The following SSX7 variants were observed in gnomAD, a reference collection of about 807,000 sequenced individuals.
SSX7 encodes the protein SSX family member 7.
Under a neutral mutation model 14.7 loss-of-function variants are expected in SSX7, and 15 were observed. That is an observed-to-expected ratio of 1.02 (90% CI 0.68 to 1.58). The LOEUF (loss-of-function observed/expected upper bound fraction) is 1.58. SSX7 is among the 40% of genes most tolerant of loss of function. SSX7 has a pLI of 0.00. For synonymous variants in SSX7, 46 were observed against 50.6 expected, an observed-to-expected ratio of 0.91 and a Z score of 0.38; for missense variants, 178 against 146.8, an observed-to-expected ratio of 1.21 and a Z score of -1.10.
At chrX:52,650,688 G>T (rs1375037637) in intron 4 of SSX7, among the ~76,000 whole-genome samples, 2 of 111,790 alleles carry the variant, frequency 1.8e-5, no homozygotes, top group African/African-American at 6.5e-5. Context: ...TAATTAAATT[G>T]ATTGGTTAGG....
chrX:52,645,260 G>A (rs782210473), intron 7 of SSX7, among the ~76,000 whole-genome samples, 179 bp downstream of exon 7: 2 of 99,771 alleles, frequency 2.0e-5, no homozygotes, highest in African/African-American at 7.5e-5. Context: ...CACAAAGGGC[G>A]AATCCGTCAA....
At chrX:52,650,553 T>A in intron 4 of SSX7, 151 bp from the exon 5 acceptor site, 2 of 658,464 alleles carry the variant, frequency 3.0e-6, no homozygotes, top group Non-Finnish European at 4.6e-6. Flanking sequence ...TTATGTTTAG[T>A]CATGGTTGAT....
At chrX:52,651,877 A>G (rs1208531540) in intron 4 of SSX7, among the ~76,000 whole-genome samples, 1 of 110,489 alleles carries the variant, frequency 9.1e-6, no homozygotes, top group Non-Finnish European at 1.9e-5. Flanking sequence ...CTCCATCTCA[A>G]AAACAAAAAC....
At chrX:52,651,329 T>C (rs1237850758) in intron 4 of SSX7, among the ~76,000 whole-genome samples, 6 of 112,398 alleles carry the variant, frequency 5.3e-5, no homozygotes, top group Admixed American at 9.4e-5. Flanking sequence ...CTACATGCTG[T>C]TAATGAGACA....
chrX:52,645,024 C>T (rs1925191679), intron 7 of SSX7, among the ~76,000 whole-genome samples: 1 of 111,224 alleles, frequency 9.0e-6, no homozygotes, highest in Admixed American at 9.6e-5. Context: ...AATCCCAGAA[C>T]TTTGGGAGGC....
At chrX:52,650,277 T>G in intron 5 of SSX7, 76 bp downstream of exon 5, 1 of 1,140,578 alleles carries the variant, frequency 8.8e-7, no homozygotes. Context: ...TTTTTTATAT[T>G]CTCCCACTCT....
At chrX:52,649,036 T>TG (rs1358665704) in intron 5 of SSX7, among the ~76,000 whole-genome samples, 23 of 111,064 alleles carry the variant, frequency 2.1e-4, no homozygotes, top group Non-Finnish European at 4.3e-4. Flanking sequence ...TACTTTTTTT[T>TG]TTGTTGTTTT....
At chrX:52,645,994 A>T (rs1427400631) in intron 6 of SSX7, among the ~76,000 whole-genome samples, 3 of 111,391 alleles carry the variant, frequency 2.7e-5, no homozygotes, top group Non-Finnish European at 3.8e-5. Flanking sequence ...CTTTGATATT[A>T]TTACTGAAAT....
intron 5 of SSX7, among the ~76,000 whole-genome samples, chrX:52,649,281 A>G (rs1925351090): frequency 7.2e-5 from 8 of 111,483 alleles, no homozygotes; most frequent in Non-Finnish European, 3.8e-5. Context: ...CATCCACCTC[A>G]GCCTCCCAAA....
intron 4 of SSX7, among the ~76,000 whole-genome samples, chrX:52,651,551 G>A (rs6568280): frequency 0.094 from 10,471 of 111,102 alleles, 1,184 homozygotes; most frequent in African/African-American, 0.32. Context: ...AGCTATGCTA[G>A]GTTTGATTTA....
Position 52,644,659 on chromosome X carries a change from G to A in SSX7, c.*16C>T, listed in dbSNP as rs1382315076. 8.4e-6 allele frequency: 10 copies of A among 1,195,922 alleles called. No homozygotes were observed. The East Asian group carries it at 2.1e-4, about 25-fold the overall frequency. ...CTGCTTCTCATCATGGGCATATGTCGTATCCCCGAGGCTGAGGCAAGAAGA... is the reference window on the plus strand; with the variant it reads ...CTGCTTCTCATCATGGGCATATGTCATATCCCCGAGGCTGAGGCAAGAAGA... On this transcript the variant is annotated 3_prime_UTR_variant, in exon 8 of 8. Transcript: ENST00000298181.
intron 2 of SSX7, 68 bp from the exon 3 acceptor site, chrX:52,653,052 C>A: frequency 8.5e-7 from 1 of 1,183,358 alleles, no homozygotes; most frequent in Non-Finnish European, 1.1e-6. Flanking sequence ...CAGCTGGAGC[C>A]CCTTCCTGTG....
intron 4 of SSX7, among the ~76,000 whole-genome samples, 189 bp downstream of exon 4, chrX:52,652,063 T>C (rs1925449967): frequency 9.0e-6 from 1 of 110,590 alleles, no homozygotes; most frequent in South Asian, 3.9e-4. Context: ...ATATATATTC[T>C]TGTTTTTCGT....
Position 52,652,484 on chromosome X carries a change from C to T in SSX7, c.185-137G>A, listed in dbSNP as rs190671483. On this transcript the variant is annotated intron_variant, in intron 3 of 7. Transcript: ENST00000298181. ...GCCAGGAGTTCAAGGCTGCAGTGAGCTATGACTGCACTACTGCAAACTAGC... is the reference window on the plus strand; with the variant it reads ...GCCAGGAGTTCAAGGCTGCAGTGAGTTATGACTGCACTACTGCAAACTAGC... The T allele has an allele frequency of 7.9e-4, 391 of 495,231 alleles. 1 individual carries two copies. In the East Asian group the frequency reaches 0.013, roughly 17 times the overall value. 40.8% of individuals were successfully genotyped at this position (495,231 alleles called of 1,213,427 possible).
rs376680904 is a variant in SSX7, at chrX:52,645,443, T to C, written c.567A>G (p.Ter189=). The C allele has an allele frequency of 2.8e-4, 331 of 1,185,167 alleles. No homozygotes were observed. Among genetic ancestry groups the C allele is most frequent in the Non-Finnish European group, 2.7e-5 (24 of 879,364 alleles). Residue 189 remains the stop codon, a stop_retained_variant, in exon 7 of 8, where the codon TAA becomes TAG. Coordinates refer to ENST00000298181, the MANE Select transcript of SSX7 (RefSeq NM_173358.2). ...ATGAGCCGAAGGTTCACTTACGGAG[T>C]TACTCGTCGTCTTCTTCAGGGTCGC... The part of the protein sequence containing the change: ...EISDPEEDDE[*]
chrX:52,649,395 C>T (rs1376527372), intron 5 of SSX7, among the ~76,000 whole-genome samples: 2 of 111,819 alleles, frequency 1.8e-5, no homozygotes, highest in Non-Finnish European at 3.8e-5. Flanking sequence ...AAATAGTCTA[C>T]GGGAAAGTCC....
intron 6 of SSX7, among the ~76,000 whole-genome samples, chrX:52,647,831 T>G (rs781949755): frequency 7.4e-4 from 83 of 112,157 alleles, no homozygotes; most frequent in African/African-American, 2.4e-3. Context: ...TGCAGTGGTC[T>G]GGAACCGAAT....
chrX:52,650,242 TG>T, intron 5 of SSX7, 110 bp downstream of exon 5: 1 of 952,281 alleles, frequency 1.1e-6, no homozygotes, highest in Non-Finnish European at 1.5e-6. Flanking sequence ...GTGATAGACA[TG>T]GGGAGAAGGA....
intron 4 of SSX7, among the ~76,000 whole-genome samples, chrX:52,651,414 A>C (rs782072126): frequency 3.6e-5 from 4 of 111,777 alleles, no homozygotes; most frequent in Non-Finnish European, 5.6e-5. Context: ...ACATTTTTTT[A>C]GCAGTCCTTT....
Sources: allele counts gnomAD v4.1 joint callset (sites outside exome capture counted in the v4.1 genomes callset), GRCh38; gene constraint gnomAD v4.1.1; transcripts MANE v1.5; gene names NCBI Gene and HGNC (gene_info 2026-07-23, HGNC 2026-07-21).